The following TGFB2 variants were observed in gnomAD, a reference collection of about 807,000 sequenced individuals.
TGFB2 encodes transforming growth factor beta-2 proprotein.
A neutral mutation model predicts 42.7 loss-of-function variants in TGFB2; 13 were observed. The observed-to-expected ratio is 0.30, with a 90% CI of 0.20 to 0.48. The LOEUF (loss-of-function observed/expected upper bound fraction) is 0.48. Ranked by LOEUF, TGFB2 falls within the 20% of genes least tolerant of loss-of-function variation. The pLI, the probability that TGFB2 is intolerant of heterozygous loss-of-function variation, is 0.99. For synonymous variants in TGFB2, 193 were observed against 193.6 expected, an observed-to-expected ratio of 1.00 and a Z score of 0.03; for missense variants, 390 against 517.5, an observed-to-expected ratio of 0.75 and a Z score of 2.39.
chr1:218,363,595 A>C (rs1273668949), intron 1 of TGFB2, among the ~76,000 whole-genome samples: 1 of 152,174 alleles, frequency 6.6e-6, no homozygotes, highest in African/African-American at 2.4e-5. Flanking sequence ...ACATGAGAAA[A>C]ACTGATGAAT....
chr1:218,385,455 C>T (rs554836135), intron 1 of TGFB2, among the ~76,000 whole-genome samples: 20 of 152,326 alleles, frequency 1.3e-4, no homozygotes, highest in African/African-American at 4.8e-5. Flanking sequence ...CAAAGTAACA[C>T]GACTTCAGAG....
At chr1:218,434,248 G>T in intron 3 of TGFB2, 34 bp downstream of exon 3, 1 of 1,612,628 alleles carries the variant, frequency 6.2e-7, no homozygotes, top group Non-Finnish European at 8.5e-7. Flanking sequence ...CTCCCAAGAT[G>T]TTCAGTATCC....
At chr1:218,359,860 A>G (rs1203000487) in intron 1 of TGFB2, among the ~76,000 whole-genome samples, 1 of 152,214 alleles carries the variant, frequency 6.6e-6, no homozygotes, top group Non-Finnish European at 1.5e-5. Flanking sequence ...TACTTAAGAT[A>G]TCATTGCAGT....
At chr1:218,359,705 G>C (rs1657150565) in intron 1 of TGFB2, among the ~76,000 whole-genome samples, 1 of 152,218 alleles carries the variant, frequency 6.6e-6, no homozygotes, top group Non-Finnish European at 1.5e-5. Context: ...GTAGTTCAGT[G>C]TTGGGAGGAA....
rs775474142 is a variant in TGFB2 at position 218,368,269 on chromosome 1, CG to C, written c.346+21223del. Among the ~76,000 whole-genome samples the C allele has an allele frequency of 1.1e-4, 17 of 152,142 alleles. No individual in the cohort carries two copies. The East Asian group carries it at 3.1e-3, about 28-fold the overall frequency. On this transcript the variant is annotated intron_variant, in intron 1 of 6. Coordinates refer to ENST00000366930, the MANE Select transcript of TGFB2 (RefSeq NM_003238.6). ...AAGCAATTCTCCTGCCTGAATCTCC[CG>C]AGTAGCTGGGATTACAGGCACACAC...
intron 6 of TGFB2, among the ~76,000 whole-genome samples, chr1:218,440,528 G>A (rs1283816486): frequency 6.6e-6 from 1 of 152,174 alleles, no homozygotes. Flanking sequence ...GGGATTACAG[G>A]CGTGAGCCAC....
At chr1:218,420,872 A>G (rs951153675) in intron 2 of TGFB2, among the ~76,000 whole-genome samples, 1 of 152,176 alleles carries the variant, frequency 6.6e-6, no homozygotes, top group Non-Finnish European at 1.5e-5. Context: ...TGAGGCTGAT[A>G]TGTATTCCAC....
chr1:218,348,346 A>T (rs748416895), intron 1 of TGFB2, among the ~76,000 whole-genome samples: 39 of 152,166 alleles, frequency 2.6e-4, no homozygotes, highest in African/African-American at 8.7e-4. Flanking sequence ...ATTTTCTCTT[A>T]AAGGTTCTAG....
chr1:218,357,196 G>A (rs1252053445), intron 1 of TGFB2, among the ~76,000 whole-genome samples: 1 of 145,710 alleles, frequency 6.9e-6, no homozygotes, highest in Admixed American at 7.0e-5. Context: ...TGGGAGACAA[G>A]AGCAAGACTT....
intron 1 of TGFB2, among the ~76,000 whole-genome samples, chr1:218,371,069 T>C (rs1558231755): frequency 6.6e-6 from 1 of 152,108 alleles, no homozygotes; most frequent in East Asian, 1.9e-4. Flanking sequence ...GAAGGCCCGG[T>C]GGGAGGATCA....
intron 2 of TGFB2, among the ~76,000 whole-genome samples, chr1:218,426,636 A>G (rs1291159389): frequency 6.6e-6 from 1 of 152,218 alleles, no homozygotes; most frequent in East Asian, 1.9e-4. Context: ...AGACAGCTAA[A>G]TCTTATTTTT....
chr1:218,399,539 T>C (rs1033065435), intron 1 of TGFB2, among the ~76,000 whole-genome samples: 1 of 152,224 alleles, frequency 6.6e-6, no homozygotes, highest in African/African-American at 2.4e-5. Flanking sequence ...AAAGGTGAAA[T>C]TGCTTGATGC....
chr1:218,388,263 G>T (rs1227866053), intron 1 of TGFB2, among the ~76,000 whole-genome samples: 1 of 152,206 alleles, frequency 6.6e-6, no homozygotes, highest in African/African-American at 2.4e-5. Context: ...AGGCTGCACC[G>T]ATTGCCTGTC....
At chr1:218,426,634 A>G (rs974695262) in intron 2 of TGFB2, among the ~76,000 whole-genome samples, 1 of 152,252 alleles carries the variant, frequency 6.6e-6, no homozygotes, top group African/African-American at 2.4e-5. Context: ...AAAGACAGCT[A>G]AATCTTATTT....
At chr1:218,399,248 C>T (rs1658631665) in intron 1 of TGFB2, among the ~76,000 whole-genome samples, 1 of 152,176 alleles carries the variant, frequency 6.6e-6, no homozygotes. Flanking sequence ...CCTATATACC[C>T]TTCAACAGCT....
chr1:218,363,124 A>T (rs940330141), intron 1 of TGFB2, among the ~76,000 whole-genome samples: 1 of 152,222 alleles, frequency 6.6e-6, no homozygotes, highest in African/African-American at 2.4e-5. Flanking sequence ...CTGCTGGTTA[A>T]GGGATGCCAG....
chr1:218,438,727 AATG>A (rs1020429218), intron 6 of TGFB2, among the ~76,000 whole-genome samples: 50 of 152,316 alleles, frequency 3.3e-4, no homozygotes, highest in African/African-American at 1.2e-3. Context: ...TCTATGTAAT[AATG>A]ATATTTGTTC....
chr1:218,393,461 C>T (rs1395256954), intron 1 of TGFB2, among the ~76,000 whole-genome samples: 1 of 152,148 alleles, frequency 6.6e-6, no homozygotes, highest in Non-Finnish European at 1.5e-5. Flanking sequence ...CAACACAGGC[C>T]GGCTTCCTTC....
intron 2 of TGFB2, among the ~76,000 whole-genome samples, chr1:218,423,922 A>G (rs1379263529): frequency 1.3e-5 from 2 of 152,230 alleles, no homozygotes; most frequent in African/African-American, 2.4e-5. Flanking sequence ...CCAGTAAGCC[A>G]TAGTTTAGGC....
Sources: allele counts gnomAD v4.1 joint callset (sites outside exome capture counted in the v4.1 genomes callset), GRCh38; gene constraint gnomAD v4.1.1; transcripts MANE v1.5; gene names NCBI Gene and HGNC (gene_info 2026-07-23, HGNC 2026-07-21).